RNF220: variants seen among roughly 807,000 people sequenced by gnomAD.
RNF220 encodes ring finger protein 220.
A neutral mutation model predicts 67.1 loss-of-function variants in RNF220; 7 were observed. The observed-to-expected ratio is 0.10, with a 90% confidence interval of 0.06 to 0.20. The LOEUF (loss-of-function observed/expected upper bound fraction) is 0.20. Among genes scored for constraint, RNF220 ranks in the 10% least tolerant of loss-of-function variants. The probability of loss-of-function intolerance (pLI) is 1.00; values close to 1 mark genes in which losing one functional copy is unlikely to be tolerated. For missense variants in RNF220, 565 were observed against 740.3 expected, an observed-to-expected ratio of 0.76 and a Z score of 2.75; for synonymous variants, 270 against 283.2, an observed-to-expected ratio of 0.95 and a Z score of 0.47.
intron 2 of RNF220, among the ~76,000 whole-genome samples, chr1:44,495,982 A>G (rs948594304): frequency 7.9e-5 from 12 of 152,232 alleles, no homozygotes; most frequent in African/African-American, 2.9e-4. Flanking sequence ...GACAAGGGTC[A>G]GTTCGTGCAG....
intron 2 of RNF220, among the ~76,000 whole-genome samples, chr1:44,605,531 A>G (rs1667214760): frequency 1.3e-5 from 2 of 152,214 alleles, no homozygotes; most frequent in Non-Finnish European, 2.9e-5. Flanking sequence ...GCATTCTGCT[A>G]CATGCTGGGG....
chr1:44,574,171 A>G (rs542002650), intron 2 of RNF220, among the ~76,000 whole-genome samples: 3 of 152,330 alleles, frequency 2.0e-5, no homozygotes, highest in South Asian at 2.1e-4. Flanking sequence ...ATGAATGAAT[A>G]AATAAATAAG....
chr1:44,537,597 T>C (rs1661333513), intron 2 of RNF220, among the ~76,000 whole-genome samples: 1 of 152,182 alleles, frequency 6.6e-6, no homozygotes, highest in Non-Finnish European at 1.5e-5. Flanking sequence ...TTGAATCTCT[T>C]CAGAGGGAGT....
rs1159423669 is a variant in RNF220, at chr1:44,417,455, TGGCTTGGCTCGGCGCGCCGCTCGCCTGGC to T, written c.625+4738_625+4766del. On this transcript the variant is annotated intron_variant, in intron 2 of 14. Transcript: ENST00000361799. The surrounding 1 kb of genome is among the most constrained non-coding windows in gnomAD (Gnocchi z 4.0). The stretch of plus-strand genomic sequence containing the variant: ...GGCTGCAGAGCCATCTGGCCTGGCT[TGGCTTGGCTCGGCGCGCCGCTCGCCTGGC>T]GGCTGGGCTCGCTGTAGTTGTGCTC... 1.1e-4 allele frequency among the ~76,000 whole-genome samples: 17 copies of T among 152,208 alleles called. No individual in the cohort carries two copies. The highest frequency in any genetic ancestry group is 1.1e-3 in the Admixed American group (17 of 15,288).
intron 5 of RNF220, among the ~76,000 whole-genome samples, chr1:44,628,920 T>G (rs1204341707): frequency 6.6e-6 from 1 of 152,256 alleles, no homozygotes; most frequent in African/African-American, 2.4e-5. Flanking sequence ...CCTGTTCAGG[T>G]ATGTTTCCGT....
intron 2 of RNF220, among the ~76,000 whole-genome samples, chr1:44,482,539 CT>C (rs1314121342): frequency 1.3e-5 from 2 of 152,154 alleles, no homozygotes; most frequent in African/African-American, 4.8e-5. Flanking sequence ...GAGCTATGCT[CT>C]GGTTGTCATG....
intron 2 of RNF220, among the ~76,000 whole-genome samples, chr1:44,543,158 A>T (rs1324587768): frequency 6.6e-6 from 1 of 151,398 alleles, no homozygotes; most frequent in Non-Finnish European, 1.5e-5. Flanking sequence ...GTTCTGAGCC[A>T]GCCCATCCCC....
intron 2 of RNF220, among the ~76,000 whole-genome samples, chr1:44,604,508 C>G (rs1012179283): frequency 1.3e-5 from 2 of 152,280 alleles, no homozygotes; most frequent in African/African-American, 4.8e-5. Context: ...CCCCGCCAGT[C>G]TCTGAACAGG....
At chr1:44,438,462 T>C (rs976998535) in intron 2 of RNF220, among the ~76,000 whole-genome samples, 2 of 152,206 alleles carry the variant, frequency 1.3e-5, no homozygotes, top group African/African-American at 2.4e-5. Flanking sequence ...TGTTTTAATA[T>C]GCCTATCATT....
intron 2 of RNF220, among the ~76,000 whole-genome samples, chr1:44,523,300 C>T (rs938410270): frequency 2.6e-5 from 4 of 152,160 alleles, no homozygotes; most frequent in Admixed American, 6.5e-5. Flanking sequence ...CCAGGCTGCC[C>T]CGGGGAAGGG....
At chr1:44,431,048 T>TTG (rs1281300807) in intron 2 of RNF220, among the ~76,000 whole-genome samples, 5 of 152,202 alleles carry the variant, frequency 3.3e-5, no homozygotes, top group African/African-American at 4.8e-5. Context: ...AGTGTCTGAT[T>TTG]TGTGTGTGTG....
intron 2 of RNF220, among the ~76,000 whole-genome samples, chr1:44,538,221 T>C (rs7545984): frequency 0.052 from 7,890 of 152,242 alleles, 396 homozygotes; most frequent in East Asian, 0.27. Context: ...CTCATCAATA[T>C]TCTTTGGGTG....
intron 2 of RNF220, among the ~76,000 whole-genome samples, chr1:44,538,653 T>C (rs1475843750): frequency 6.6e-6 from 1 of 152,202 alleles, no homozygotes; most frequent in Non-Finnish European, 1.5e-5. Context: ...CAGTGGCTCA[T>C]GCCTGTAATC....
At chr1:44,572,028 A>C (rs1276754233) in intron 2 of RNF220, among the ~76,000 whole-genome samples, 2 of 152,170 alleles carry the variant, frequency 1.3e-5, no homozygotes, top group African/African-American at 4.8e-5. Context: ...CACCCCAGTG[A>C]CTGGGACAGC....
At chr1:44,615,835 C>T (rs1337967755) in intron 3 of RNF220, among the ~76,000 whole-genome samples, 1 of 152,244 alleles carries the variant, frequency 6.6e-6, no homozygotes, top group East Asian at 1.9e-4. Context: ...GCTAAAACAA[C>T]ATACATGTAT....
chr1:44,554,467 A>G (rs377195558), intron 2 of RNF220, among the ~76,000 whole-genome samples: 1 of 152,056 alleles, frequency 6.6e-6, no homozygotes, highest in East Asian at 1.9e-4. Context: ...AGGAATTTCA[A>G]GATTGTGCTC....
At chr1:44,517,295 CT>C (rs1318292759) in intron 2 of RNF220, among the ~76,000 whole-genome samples, 1 of 152,158 alleles carries the variant, frequency 6.6e-6, no homozygotes, top group Admixed American at 6.5e-5. Flanking sequence ...GACCTGCCCC[CT>C]GTCTTCCCGG....
chr1:44,481,920 G>C (rs574503547), intron 2 of RNF220, among the ~76,000 whole-genome samples: 29 of 152,306 alleles, frequency 1.9e-4, no homozygotes, highest in Middle Eastern at 3.4e-3. Flanking sequence ...AGTCGTAAGA[G>C]GGTCATTCTC....
chr1:44,410,384 G>C (rs1647842469), intron 1 of RNF220, among the ~76,000 whole-genome samples: 1 of 152,156 alleles, frequency 6.6e-6, no homozygotes, highest in Non-Finnish European at 1.5e-5. Flanking sequence ...GGCTGTCCTT[G>C]GCAGATCATT....
Sources: allele counts gnomAD v4.1 joint callset (sites outside exome capture counted in the v4.1 genomes callset), GRCh38; gene constraint gnomAD v4.1.1; non-coding constraint Gnocchi (gnomAD v3.1); transcripts MANE v1.5; gene names NCBI Gene and HGNC (gene_info 2026-07-23, HGNC 2026-07-21).